Variants in LDHC observed in about 807,000 individuals in gnomAD.
The protein encoded by LDHC is L-lactate dehydrogenase C chain.
In LDHC, 20 loss-of-function variants were observed where a neutral mutation model predicts 30.2. The ratio of observed to expected loss-of-function variants is 0.66; its 90% confidence interval spans 0.47 to 0.96. The LOEUF (loss-of-function observed/expected upper bound fraction) is 0.96. Ranked by LOEUF, LDHC falls within the 40% of genes least tolerant of loss-of-function variation. LDHC has a pLI of 0.00. For missense variants in LDHC, 362 were observed against 394.9 expected (o/e 0.92, Z 0.71); for synonymous variants, 139 against 132.7 (o/e 1.05, Z -0.32).
intron 3 of LDHC, among the ~76,000 whole-genome samples, chr11:18,426,974 C>G (rs537617813): frequency 1.7e-4 from 26 of 152,184 alleles, no homozygotes; most frequent in Non-Finnish European, 2.6e-4. Flanking sequence ...ATGTTAATTG[C>G]TAACATTTAT....
At chr11:18,450,535 C>T (rs552389230) in intron 7 of LDHC, 1 of 157,428 alleles carries the variant, frequency 6.4e-6, no homozygotes, top group Admixed American at 6.5e-5. Flanking sequence ...AATGATGCTC[C>T]CTGCTGTAAA....
At chr11:18,419,325 A>G (rs1259508995) in intron 3 of LDHC, among the ~76,000 whole-genome samples, 1 of 152,206 alleles carries the variant, frequency 6.6e-6, no homozygotes, top group Non-Finnish European at 1.5e-5. Context: ...GTAGTTTACC[A>G]TTGCCAGAAC....
intron 3 of LDHC, among the ~76,000 whole-genome samples, chr11:18,417,787 A>G (rs914479429): frequency 5.9e-5 from 9 of 152,194 alleles, no homozygotes; most frequent in Admixed American, 5.9e-4. Flanking sequence ...ATTATGGAAT[A>G]CTTGATAGAG....
chr11:18,423,559 A>C (rs909131001), intron 3 of LDHC, among the ~76,000 whole-genome samples: 1 of 152,226 alleles, frequency 6.6e-6, no homozygotes, highest in Non-Finnish European at 1.5e-5. Flanking sequence ...ACCACACACA[A>C]AAATCAAAGC....
chr11:18,444,333 T>C (rs1426645174), intron 6 of LDHC, among the ~76,000 whole-genome samples: 1 of 152,034 alleles, frequency 6.6e-6, no homozygotes, highest in Non-Finnish European at 1.5e-5. Context: ...CAGATTCAAC[T>C]GGTGAGATTT....
Position 18,434,890 on chromosome 11 carries a change from T to C in LDHC, c.569T>C (p.Ile190Thr). ...VHPTSCHGWI[I>T]GEHGDSSVPL... ...CCCACAAGCTGCCATGGTTGGATTA[T>C]TGGAGAACATGGTGATTCTAGTGGT... The change falls in exon 5 of 8, where the codon ATT becomes ACT. Residue 190 changes from isoleucine to threonine, a missense_variant. Coordinates refer to ENST00000541669, the MANE Select transcript of LDHC (RefSeq NM_017448.5). 1 of 1,612,800 alleles carries C rather than the reference T, an allele frequency of 6.2e-7. No homozygotes were observed. Among genetic ancestry groups the C allele is most frequent in the Non-Finnish European group, 8.5e-7 (1 of 1,178,808 alleles).
At chr11:18,420,044 T>C (rs1867089330) in intron 3 of LDHC, among the ~76,000 whole-genome samples, 1 of 152,132 alleles carries the variant, frequency 6.6e-6, no homozygotes, top group Non-Finnish European at 1.5e-5. Context: ...TGAACTGAGA[T>C]GGCACCACTC....
In LDHC at chr11:18,430,031, T is replaced by C. The variant is rs183192303; in HGVS notation, c.418+121T>C. ...ATAAATTGCACTCGTTTAAAGTATA[T>C]AACGCGATGAGTTTTGATAAATGTA... On this transcript the variant is annotated intron_variant, in intron 4 of 7. Coordinates refer to ENST00000541669, the MANE Select transcript of LDHC (RefSeq NM_017448.5). 880 of 572,854 alleles carry C rather than the reference T, an allele frequency of 1.5e-3. 6 individuals are homozygous for C. The highest frequency in any genetic ancestry group is 6.0e-3 in the Admixed American group (203 of 33,868). The allele number at this position is 572,854 out of a possible 1,614,324, so 35.5% of individuals were successfully genotyped here.
intron 5 of LDHC, among the ~76,000 whole-genome samples, chr11:18,437,816 G>A (rs975617600): frequency 2.0e-5 from 3 of 151,506 alleles, no homozygotes; most frequent in Admixed American, 6.6e-5. Context: ...TGTAATCCCA[G>A]CACTTTTGGA....
chr11:18,422,561 A>AAG (rs1030270981), intron 3 of LDHC, among the ~76,000 whole-genome samples: 1 of 151,874 alleles, frequency 6.6e-6, no homozygotes, highest in African/African-American at 2.4e-5. Flanking sequence ...CTCAAAAAAA[A>AAG]AAAAAAATCC....
intron 2 of LDHC, among the ~76,000 whole-genome samples, chr11:18,413,459 CTTTTTTTTTTTT>C (rs34176196): frequency 3.9e-5 from 3 of 77,136 alleles, no homozygotes; most frequent in African/African-American, 1.0e-4. Flanking sequence ...ATTGTTCTCT[CTTTTTTTTTTTT>C]TTTTTTTTTT....
chr11:18,450,132 G>A (rs762179570), intron 7 of LDHC: 1 of 152,454 alleles, frequency 6.6e-6, no homozygotes, highest in African/African-American at 2.4e-5. Context: ...CCAAGACCAG[G>A]GAGGATAGTA....
rs561450510 is a variant in LDHC, at chr11:18,420,918, C to T, written c.244+5617C>T. Among the ~76,000 whole-genome samples the T allele has an allele frequency of 2.1e-4, 32 of 151,844 alleles. No homozygotes were observed. The South Asian group carries it at 5.6e-3, about 27-fold the overall frequency. On this transcript the variant is annotated intron_variant, in intron 3 of 7. Coordinates refer to ENST00000541669, the MANE Select transcript of LDHC (RefSeq NM_017448.5). ...TGAATATAGCATATAAATATACGGG[C>T]GAGGGGTGATAGTGATGAATGAAGT...
chr11:18,418,171 C>G (rs1229446211), intron 3 of LDHC, among the ~76,000 whole-genome samples: 3 of 150,784 alleles, frequency 2.0e-5, no homozygotes, highest in East Asian at 1.9e-4. Context: ...TTACCTTTAC[C>G]AAACATTTCT....
At chr11:18,442,646 CTCTT>C (rs1439871341) in intron 6 of LDHC, among the ~76,000 whole-genome samples, 3 of 147,678 alleles carry the variant, frequency 2.0e-5, no homozygotes, top group African/African-American at 4.9e-5. Context: ...CATGTTTTAT[CTCTT>C]TCTCTCTCTC....
At chr11:18,439,563 CAAAAAAAA>C (rs34511927) in intron 6 of LDHC, among the ~76,000 whole-genome samples, 1 of 59,348 alleles carries the variant, frequency 1.7e-5, no homozygotes, top group Non-Finnish European at 3.2e-5. Context: ...AACTCCATCT[CAAAAAAAA>C]AAAAAAAAAA....
intron 3 of LDHC, among the ~76,000 whole-genome samples, chr11:18,425,957 A>G (rs1219288452): frequency 1.3e-5 from 2 of 152,040 alleles, no homozygotes; most frequent in African/African-American, 4.8e-5. Context: ...AAAAAGAAAA[A>G]AGAAAAAAGA....
In LDHC at chr11:18,434,855, G is replaced by A; in HGVS notation, c.534G>A (p.Leu178=). The A allele has an allele frequency of 6.2e-7, 1 of 1,613,264 alleles. No homozygotes were observed. The highest frequency in any genetic ancestry group is 8.5e-7 in the Non-Finnish European group (1 of 1,179,258). ...TCCGTTACCTAATTGGAGAAAAGTT[G>A]GGTGTCCACCCCACAAGCTGCCATG... The part of the protein sequence containing the change: ...ARFRYLIGEK[L]GVHPTSCHGW... Residue 178 remains leucine, a synonymous_variant, in exon 5 of 8, where the codon TTG becomes TTA. Coordinates refer to ENST00000541669, the MANE Select transcript of LDHC (RefSeq NM_017448.5).
Position 18,421,533 on chromosome 11 carries a change from C to T in LDHC, c.244+6232C>T, listed in dbSNP as rs116088304. 8.3e-3 allele frequency among the ~76,000 whole-genome samples: 1,259 copies of T among 151,956 alleles called. 13 individuals are homozygous for T. Among genetic ancestry groups the T allele is most frequent in the African/African-American group, 0.029 (1,206 of 41,496 alleles). ...ACTAAAAATACAAAAATTAGTTGGG[C>T]GTGCTGATGCATGCCTATAATCCCA... On this transcript the variant is annotated intron_variant, in intron 3 of 7. Transcript: ENST00000541669.
Sources: gnomAD v4.1 joint callset for allele counts (sites outside exome capture counted in the v4.1 genomes callset) on GRCh38, gnomAD v4.1.1 for gene constraint, MANE v1.5 for transcripts, NCBI Gene and HGNC (gene_info 2026-07-23, HGNC 2026-07-21) for gene names.